Variants in DOCK1 observed in about 807,000 individuals in gnomAD.
The protein encoded by DOCK1 is dedicator of cytokinesis protein 1.
Under a neutral mutation model 262.7 loss-of-function variants are expected in DOCK1, and 138 were observed. That is an observed-to-expected ratio of 0.53 (90% CI 0.46 to 0.61). DOCK1 has a LOEUF of 0.61. DOCK1 is among the 20% of genes least tolerant of loss of function. The pLI is 0.00. For missense variants in DOCK1, 1,908 were observed against 2,370.7 expected, an observed-to-expected ratio of 0.80 and a Z score of 4.05; for synonymous variants, 866 against 867.4, an observed-to-expected ratio of 1.00 and a Z score of 0.03.
At chr10:127,169,828 T>C (rs986141880) in intron 27 of DOCK1, among the ~76,000 whole-genome samples, 3 of 152,218 alleles carry the variant, frequency 2.0e-5, no homozygotes, top group African/African-American at 7.2e-5. Context: ...CTTCCATTAC[T>C]TGTTGGCTAT....
intron 29 of DOCK1, among the ~76,000 whole-genome samples, chr10:127,280,757 C>T (rs556579643): frequency 1.1e-4 from 16 of 152,280 alleles, no homozygotes; most frequent in South Asian, 4.1e-4. Flanking sequence ...ATACTGTTGT[C>T]GACACCTGTG....
intron 21 of DOCK1, among the ~76,000 whole-genome samples, chr10:127,044,251 C>T (rs771093511): frequency 2.0e-5 from 3 of 152,102 alleles, no homozygotes; most frequent in Non-Finnish European, 4.4e-5. Context: ...ACTCTGGCCT[C>T]CTGAAGCCAG....
chr10:126,911,532 T>C (rs2031763848), intron 1 of DOCK1, among the ~76,000 whole-genome samples: 1 of 152,170 alleles, frequency 6.6e-6, no homozygotes, highest in Non-Finnish European at 1.5e-5. Context: ...GTTGTCAAGA[T>C]GTTCACTTTT....
chr10:126,972,163 G>A (rs1281988912), intron 2 of DOCK1, among the ~76,000 whole-genome samples: 9 of 152,044 alleles, frequency 5.9e-5, no homozygotes, highest in African/African-American at 2.2e-4. Flanking sequence ...TGATTTGCCC[G>A]CCTCGGCCTC....
chr10:127,173,406 A>T, intron 27 of DOCK1, among the ~76,000 whole-genome samples: 1 of 152,162 alleles, frequency 6.6e-6, no homozygotes, highest in East Asian at 1.9e-4. Context: ...AACCCTGAGG[A>T]TCTTATTTAA....
intron 27 of DOCK1, among the ~76,000 whole-genome samples, chr10:127,179,133 T>C (rs2133943490): frequency 6.6e-6 from 1 of 152,356 alleles, no homozygotes; most frequent in South Asian, 2.1e-4. Flanking sequence ...AATGTGTGTC[T>C]GAATAAGTTT....
intron 27 of DOCK1, among the ~76,000 whole-genome samples, chr10:127,159,062 A>C (rs529927420): frequency 1.3e-5 from 2 of 152,152 alleles, no homozygotes; most frequent in Non-Finnish European, 2.9e-5. Context: ...CTGGACATGA[A>C]CTGTTAATAG....
chr10:127,301,265 A>C (rs2061670484), intron 29 of DOCK1, among the ~76,000 whole-genome samples: 1 of 152,182 alleles, frequency 6.6e-6, no homozygotes, highest in Admixed American at 6.5e-5. Context: ...CGGAGGGTTA[A>C]TGATTAGGTT....
intron 38 of DOCK1, among the ~76,000 whole-genome samples, chr10:127,399,255 T>C (rs185051494): frequency 5.1e-4 from 77 of 152,346 alleles, no homozygotes; most frequent in African/African-American, 1.8e-3. Flanking sequence ...CTGTAGCACT[T>C]CTGAGAACGG....
At chr10:127,273,074 C>G (rs1446287280) in intron 29 of DOCK1, among the ~76,000 whole-genome samples, 1 of 152,148 alleles carries the variant, frequency 6.6e-6, no homozygotes, top group Non-Finnish European at 1.5e-5. Flanking sequence ...ACCACCTTTC[C>G]TCTTCTGTTC....
At position 127,009,580 on chromosome 10, in the gene DOCK1, G is replaced by A. The variant is rs561988759; in HGVS notation, c.1058+776G>A. Among the ~76,000 whole-genome samples the A allele has an allele frequency of 8.5e-5, 13 of 152,264 alleles. No homozygotes were observed. In the East Asian group the frequency reaches 2.1e-3, roughly 25 times the overall value. On this transcript the variant is annotated intron_variant, in intron 11 of 51. Transcript: ENST00000623213. ...TGTAAGAGACAGCTTCCTCCTGGGC[G>A]TGGGGTTGGGTGGCGATGTTAGGGG...
At chr10:127,438,394 A>G in intron 48 of DOCK1, among the ~76,000 whole-genome samples, 1 of 152,186 alleles carries the variant, frequency 6.6e-6, no homozygotes, top group South Asian at 2.1e-4. Flanking sequence ...ATACCCTTTT[A>G]TAAGTGAGAC....
In DOCK1 at chr10:127,418,415, C is replaced by G. The variant is rs374730478; in HGVS notation, c.4566C>G (p.Asn1522Lys). 6.2e-7 allele frequency: 1 copy of G among 1,613,792 alleles called. No individual in the cohort carries two copies. ...CCATTGAGACCATGCAGCTGACGAACGACAAGATCAACAGCATGGTGCAGC... is the reference window on the plus strand; with the variant it reads ...CCATTGAGACCATGCAGCTGACGAAGGACAAGATCAACAGCATGGTGCAGC... The part of the protein sequence containing the change: ...ENAIETMQLT[N>K]DKINSMVQQH... Residue 1522 changes from asparagine to lysine, a missense_variant, in exon 45 of 52, where the codon AAC becomes AAG. Physicochemically the swap from Asn to Lys is moderately conservative, Grantham distance 94. This residue lies in a region of DOCK1 where 57 missense variants were observed against 103.1 expected (regional missense o/e 0.55). Transcript: ENST00000623213.
At chr10:127,081,818 A>T (rs1047651012) in intron 23 of DOCK1, among the ~76,000 whole-genome samples, 3 of 152,248 alleles carry the variant, frequency 2.0e-5, no homozygotes, top group Non-Finnish European at 4.4e-5. Context: ...GAACAAAAAA[A>T]TAGAACCATT....
rs1238966148 is a variant in DOCK1, at chr10:127,409,390, A to T, written c.4342A>T (p.Ser1448Cys). 6.2e-7 allele frequency: 1 copy of T among 1,613,978 alleles called. No individual in the cohort carries two copies. The highest frequency in any genetic ancestry group is 1.1e-5 in the South Asian group (1 of 91,078). The change falls in exon 42 of 52, where the codon AGT becomes TGT. Residue 1448 changes from serine to cysteine, a missense_variant and splice_region_variant. Ser to Cys is a moderately radical substitution (Grantham distance 112). Around this residue, in one of 9 missense-constraint regions of DOCK1, gnomAD observed 267 missense variants for 366.3 expected, o/e 0.73. Transcript: ENST00000623213. ...CAGGCCAGTGTCAGAGCAGATTGTAAGGTAATAATCCCATTTTTCTTACCC... is the reference window on the plus strand; with the variant it reads ...CAGGCCAGTGTCAGAGCAGATTGTATGGTAATAATCCCATTTTTCTTACCC... The part of the protein sequence containing the change: ...FHRPVSEQIV[S>C]FYRVNEVQRF...
intron 1 of DOCK1, among the ~76,000 whole-genome samples, chr10:126,950,974 G>A (rs1346920521): frequency 2.6e-5 from 4 of 152,064 alleles, no homozygotes; most frequent in African/African-American, 4.8e-5. Flanking sequence ...CATTGCTGGC[G>A]GTGATTGTGT....
intron 27 of DOCK1, among the ~76,000 whole-genome samples, chr10:127,219,058 TG>T (rs1455286884): frequency 6.6e-6 from 1 of 152,204 alleles, no homozygotes; most frequent in Non-Finnish European, 1.5e-5. Context: ...CTGGCAATTT[TG>T]GAGGGGGCAC....
intron 29 of DOCK1, among the ~76,000 whole-genome samples, chr10:127,305,588 C>T (rs906603092): frequency 8.5e-5 from 13 of 152,082 alleles, no homozygotes; most frequent in Non-Finnish European, 1.5e-4. Context: ...GAGATGTGCC[C>T]TCAGGGAGCT....
At chr10:127,451,046 T>C (rs980874346) in intron 51 of DOCK1, among the ~76,000 whole-genome samples, 1 of 152,126 alleles carries the variant, frequency 6.6e-6, no homozygotes, top group Admixed American at 6.5e-5. Flanking sequence ...ACTTGGTCGA[T>C]AGCATCTAGA....
Sources: gnomAD v4.1 joint callset for allele counts (sites outside exome capture counted in the v4.1 genomes callset) on GRCh38, gnomAD v4.1.1 for gene constraint, gnomAD v4.1.1 regional missense constraint, MANE v1.5 for transcripts, NCBI Gene and HGNC (gene_info 2026-07-23, HGNC 2026-07-21) for gene names.